The following ATG13 variants were observed in gnomAD, a reference collection of about 807,000 sequenced individuals.
The protein encoded by ATG13 is autophagy-related protein 13.
In ATG13, 23 loss-of-function variants were observed where a neutral mutation model predicts 65.5. The observed-to-expected ratio is 0.35, with a 90% confidence interval of 0.25 to 0.50. The LOEUF is 0.50. ATG13 is among the 20% of genes least tolerant of loss of function. The probability of loss-of-function intolerance (pLI) is 0.98; values close to 1 mark genes in which losing one functional copy is unlikely to be tolerated. For synonymous variants in ATG13, 252 were observed against 245.2 expected (o/e 1.03, Z -0.26); for missense variants, 566 against 677.0 (o/e 0.84, Z 1.82).
intron 2 of ATG13, among the ~76,000 whole-genome samples, chr11:46,638,918 C>T (rs922010650): frequency 2.0e-5 from 3 of 152,094 alleles, no homozygotes; most frequent in African/African-American, 7.2e-5. Flanking sequence ...AGCCATTCTC[C>T]CACCTCAGCC....
At chr11:46,670,187 A>G (rs4606447) in intron 18 of ATG13, among the ~76,000 whole-genome samples, 87,009 of 152,086 alleles carry the variant, frequency 0.57, 28,926 homozygotes, top group Non-Finnish European at 0.74. Context: ...GCCCAGTAAT[A>G]ACAATACAGT....
chr11:46,672,534 A>G lies in ATG13; in HGVS notation c.*202A>G. ...GCAGTCAAGCCCAGTGCCCAGTTGG[A>G]GAAGACTCACGTGCTGGCCTTGGAG... On this transcript the variant is annotated 3_prime_UTR_variant, in exon 19 of 19. Transcript: ENST00000683050. 15 of 1,458,456 alleles carry G rather than the reference A, an allele frequency of 1.0e-5. No individual in the cohort carries two copies. Among genetic ancestry groups the G allele is most frequent in the Non-Finnish European group, 1.4e-5 (15 of 1,105,494 alleles). 90.3% of individuals were successfully genotyped at this position (1,458,456 alleles called of 1,614,324 possible).
At chr11:46,642,314 T>G (rs1191507911) in intron 2 of ATG13, among the ~76,000 whole-genome samples, 4 of 106,204 alleles carry the variant, frequency 3.8e-5, no homozygotes, top group African/African-American at 9.8e-5. Context: ...GTTTTTTTTT[T>G]TTTTTTTTTT....
rs1307080013 is a variant in ATG13, at chr11:46,672,503, G to A, written c.*171G>A. 2.8e-5 allele frequency: 41 copies of A among 1,480,998 alleles called. No homozygotes were observed. Among genetic ancestry groups the A allele is most frequent in the African/African-American group, 2.2e-4 (16 of 71,680 alleles). 91.7% of individuals were successfully genotyped at this position (1,480,998 alleles called of 1,614,324 possible). ...TACTCTTGGACCTCCTGGAGACTCC[G>A]TGGCGGCAGTCAAGCCCAGTGCCCA... is the stretch of plus-strand genomic sequence containing the variant. On this transcript the variant is annotated 3_prime_UTR_variant, in exon 19 of 19. Coordinates refer to ENST00000683050, the MANE Select transcript of ATG13 (RefSeq NM_001346311.2).
At chr11:46,637,946 G>C (rs988163440) in intron 2 of ATG13, among the ~76,000 whole-genome samples, 1 of 152,076 alleles carries the variant, frequency 6.6e-6, no homozygotes, top group Non-Finnish European at 1.5e-5. Context: ...CCAAAATGTA[G>C]GGTATTAAGT....
chr11:46,661,253 C>CA (rs1184499427), intron 11 of ATG13, among the ~76,000 whole-genome samples: 1 of 152,158 alleles, frequency 6.6e-6, no homozygotes, highest in Non-Finnish European at 1.5e-5. Context: ...CGCAGTGGCT[C>CA]ACGCCTGTAA....
At chr11:46,622,790 C>T (rs1207488189) in intron 1 of ATG13, among the ~76,000 whole-genome samples, 1 of 152,126 alleles carries the variant, frequency 6.6e-6, no homozygotes, top group African/African-American at 2.4e-5. Context: ...GATTAGATTC[C>T]AACACTTGTT....
At chr11:46,628,561 A>G (rs2050548821) in intron 1 of ATG13, among the ~76,000 whole-genome samples, 1 of 152,144 alleles carries the variant, frequency 6.6e-6, no homozygotes, top group South Asian at 2.1e-4. Context: ...TAGGCATTAT[A>G]CAAATGTGAA....
At position 46,667,777 on chromosome 11, in the gene ATG13, G is replaced by T; in HGVS notation, c.1141G>T (p.Asp381Tyr). The T allele has an allele frequency of 1.9e-6, 3 of 1,600,868 alleles. No homozygotes were observed. Among genetic ancestry groups the T allele is most frequent in the Non-Finnish European group, 2.6e-6 (3 of 1,169,016 alleles). ...HCAATPSSSE[D>Y]TETVSNSSEG... ...AACTTCACCTTTCTCCTCCAGTGAG[G>T]ATACTGAAACCGTATCAAACAGCAG... Residue 381 changes from aspartate to tyrosine, a missense_variant, in exon 15 of 19, where the codon GAT (aspartate) becomes TAT (tyrosine). Transcript: ENST00000683050.
chr11:46,671,937 C>T (rs2134367594), intron 18 of ATG13, among the ~76,000 whole-genome samples: 1 of 152,342 alleles, frequency 6.6e-6, no homozygotes, highest in Admixed American at 6.5e-5. Context: ...ATTCTAGTGT[C>T]AGTCAGATCT....
intron 2 of ATG13, among the ~76,000 whole-genome samples, chr11:46,631,605 T>TATA (rs1396652650): frequency 1.3e-5 from 2 of 152,214 alleles, no homozygotes; most frequent in African/African-American, 4.8e-5. Flanking sequence ...GGCTCACAGC[T>TATA]ATAATCCCAG....
At chr11:46,639,725 G>T (rs1011425942) in intron 2 of ATG13, among the ~76,000 whole-genome samples, 1 of 152,010 alleles carries the variant, frequency 6.6e-6, no homozygotes, top group African/African-American at 2.4e-5. Context: ...GTCAAAGTAT[G>T]CAGGGTAAAG....
At chr11:46,668,646 C>G (rs746682482) in intron 16 of ATG13, 70 bp downstream of exon 16, 7 of 1,548,622 alleles carry the variant, frequency 4.5e-6, no homozygotes, top group Middle Eastern at 1.7e-4. Flanking sequence ...GAGCCAGAGT[C>G]ACTAATCCCC....
At chr11:46,626,235 G>A (rs1354071674) in intron 1 of ATG13, among the ~76,000 whole-genome samples, 2 of 151,970 alleles carry the variant, frequency 1.3e-5, no homozygotes, top group African/African-American at 2.4e-5. Flanking sequence ...GATTACAGGC[G>A]TGAGCCACCG....
intron 2 of ATG13, among the ~76,000 whole-genome samples, chr11:46,642,195 A>G (rs1405696074): frequency 6.6e-6 from 1 of 150,716 alleles, no homozygotes; most frequent in Non-Finnish European, 1.5e-5. Flanking sequence ...GTTAAATGAA[A>G]CTCTAGCTTC....
At chr11:46,636,853 G>A (rs1041664845) in intron 2 of ATG13, among the ~76,000 whole-genome samples, 17 of 151,708 alleles carry the variant, frequency 1.1e-4, no homozygotes, top group Admixed American at 2.6e-4. Context: ...TCAGCCTCCC[G>A]AGTAGCGGGG....
In ATG13 at chr11:46,661,048, C is replaced by T. The variant is rs532731263; in HGVS notation, c.789+1563C>T. Among the ~76,000 whole-genome samples, 8 of 151,936 alleles carry T rather than the reference C, an allele frequency of 5.3e-5. No homozygotes were observed. The South Asian group carries it at 1.7e-3, about 32-fold the overall frequency. On this transcript the variant is annotated intron_variant, in intron 11 of 18. Transcript: ENST00000683050. Reference sequence around the variant, plus strand: ...TGTTTTGTTTTGTTTTGTTTTGAGACAGGGTCTGTCTCTGTCGCCAAGGCT... The same window carrying T: ...TGTTTTGTTTTGTTTTGTTTTGAGATAGGGTCTGTCTCTGTCGCCAAGGCT...
intron 2 of ATG13, among the ~76,000 whole-genome samples, chr11:46,635,073 T>G (rs1187421819): frequency 1.3e-5 from 2 of 151,668 alleles, no homozygotes; most frequent in African/African-American, 4.8e-5. Flanking sequence ...AAGGGTGCTG[T>G]CTGAACTCAT....
At chr11:46,659,216 T>G in intron 10 of ATG13, 176 bp from the exon 11 acceptor site, 1 of 553,756 alleles carries the variant, frequency 1.8e-6, no homozygotes. Context: ...AACCTCTGAG[T>G]GCCACTCTCT....
Sources: allele counts gnomAD v4.1 joint callset (sites outside exome capture counted in the v4.1 genomes callset), GRCh38; gene constraint gnomAD v4.1.1; transcripts MANE v1.5; gene names NCBI Gene and HGNC (gene_info 2026-07-23, HGNC 2026-07-21).